AKAP13: variants seen among roughly 807,000 people sequenced by gnomAD.
AKAP13 encodes A-kinase anchor protein 13.
Under a neutral mutation model 264.5 loss-of-function variants are expected in AKAP13, and 80 were observed. That is an observed-to-expected ratio of 0.30 (90% confidence interval 0.25 to 0.36). The LOEUF (loss-of-function observed/expected upper bound fraction) is 0.36. Among genes scored for constraint, AKAP13 ranks in the 10% least tolerant of loss-of-function variants. The pLI is 1.00. For missense variants in AKAP13, 3,712 were observed against 3,435.2 expected (o/e 1.08, Z -2.01); for synonymous variants, 1,380 against 1,250.2 (o/e 1.10, Z -2.19).
At position 85,506,380 on chromosome 15, in the gene AKAP13, C is replaced by T. The variant is rs573123353; in HGVS notation, c.34-15048C>T. On this transcript the variant is annotated intron_variant, in intron 2 of 36. Transcript: ENST00000394518. Reference sequence around the variant, plus strand: ...AACATTTATTGAGCACCTAGAACAACGAGACATACCTTTAGGCAATGATGT... The same window carrying T: ...AACATTTATTGAGCACCTAGAACAATGAGACATACCTTTAGGCAATGATGT... Among the ~76,000 whole-genome samples, 5 of 152,188 alleles carry T rather than the reference C, an allele frequency of 3.3e-5. No homozygotes were observed. The East Asian group carries it at 5.8e-4, about 18-fold the overall frequency.
At chr15:85,606,290 A>G (rs527777667) in intron 8 of AKAP13, among the ~76,000 whole-genome samples, 1 of 151,580 alleles carries the variant, frequency 6.6e-6, no homozygotes, top group East Asian at 1.9e-4. Context: ...TTAGTAGAGA[A>G]GGGGTTTCAC....
intron 10 of AKAP13, among the ~76,000 whole-genome samples, chr15:85,654,942 A>T (rs1473970255): frequency 6.6e-6 from 1 of 152,168 alleles, no homozygotes; most frequent in Non-Finnish European, 1.5e-5. Context: ...CTGTAATCCC[A>T]CCATTTTGGG....
At chr15:85,567,908 A>C (rs906895906) in intron 5 of AKAP13, among the ~76,000 whole-genome samples, 2 of 151,912 alleles carry the variant, frequency 1.3e-5, no homozygotes, top group African/African-American at 4.8e-5. Flanking sequence ...GAGCTGAGAA[A>C]AGTATATAAA....
chr15:85,671,870 A>G (rs2083949942), intron 14 of AKAP13, among the ~76,000 whole-genome samples: 1 of 152,198 alleles, frequency 6.6e-6, no homozygotes, highest in Admixed American at 6.5e-5. Flanking sequence ...ACAGATAACT[A>G]GTACCAACAG....
At chr15:85,670,315 A>G (rs1012859259) in intron 14 of AKAP13, among the ~76,000 whole-genome samples, 15 of 151,834 alleles carry the variant, frequency 9.9e-5, no homozygotes, top group African/African-American at 3.1e-4. Flanking sequence ...CTTTACCTCT[A>G]ATTTAGTGTA....
chr15:85,416,548 A>T (rs193098235), intron 1 of AKAP13, among the ~76,000 whole-genome samples: 69 of 152,318 alleles, frequency 4.5e-4, no homozygotes, highest in African/African-American at 1.6e-3. Flanking sequence ...GTCAATGAGT[A>T]TGTCTCAGGT....
chr15:85,520,938 C>A (rs1447473064), intron 2 of AKAP13, among the ~76,000 whole-genome samples: 1 of 152,252 alleles, frequency 6.6e-6, no homozygotes, highest in African/African-American at 2.4e-5. Flanking sequence ...AAGCCTGTTG[C>A]TGGAGAATGT....
rs548952523 is a variant in AKAP13 at position 85,433,778 on chromosome 15, T to TA, written c.-11-51927dup. ...CCAACATGGTGAAACCCCTCTCTAC[T>TA]AAAAATATAAAAATTAGTTGGGCAT... is the stretch of plus-strand genomic sequence containing the variant. On this transcript the variant is annotated intron_variant, in intron 1 of 36. Coordinates refer to ENST00000394518, the MANE Select transcript of AKAP13 (RefSeq NM_007200.5). 1.2e-3 allele frequency among the ~76,000 whole-genome samples: 182 copies of TA among 151,550 alleles called. 1 individual carries two copies. Among genetic ancestry groups the TA allele is most frequent in the African/African-American group, 4.3e-3 (176 of 41,312 alleles).
At chr15:85,558,480 C>T (rs1201502573) in intron 5 of AKAP13, among the ~76,000 whole-genome samples, 3 of 152,130 alleles carry the variant, frequency 2.0e-5, no homozygotes, top group African/African-American at 7.2e-5. Context: ...GTGATGATAA[C>T]CTCACACATA....
chr15:85,442,537 A>G (rs1397580878), intron 1 of AKAP13, among the ~76,000 whole-genome samples: 14 of 129,136 alleles, frequency 1.1e-4, no homozygotes, highest in East Asian at 2.1e-4. Flanking sequence ...TATATAATAT[A>G]TATTATATAT....
chr15:85,464,599 T>A (rs1436806313), intron 1 of AKAP13, among the ~76,000 whole-genome samples: 1 of 152,238 alleles, frequency 6.6e-6, no homozygotes, highest in Non-Finnish European at 1.5e-5. Context: ...AGAGGGAGGT[T>A]AGAACTGGTA....
chr15:85,619,790 C>G, intron 8 of AKAP13: 2 of 1,104,672 alleles, frequency 1.8e-6, no homozygotes, highest in Admixed American at 4.9e-5. Flanking sequence ...CAGTCAAGAT[C>G]TGCACAAAGT....
intron 1 of AKAP13, among the ~76,000 whole-genome samples, chr15:85,400,657 G>A (rs2071377509): frequency 6.6e-6 from 1 of 152,004 alleles, no homozygotes; most frequent in African/African-American, 2.4e-5. Context: ...AAGGTTTTCT[G>A]TATTATAAGT....
In AKAP13 at chr15:85,581,839, T is replaced by C; in HGVS notation, c.3771T>C (p.Asp1257=). The C allele has an allele frequency of 1.9e-6, 3 of 1,614,220 alleles. No individual in the cohort carries two copies. The South Asian group carries it at 3.3e-5, about 18-fold the overall frequency. Residue 1257 remains aspartate (D), a synonymous_variant, in exon 7 of 37, where the codon GAT becomes GAC. Transcript: ENST00000394518. ...AGGAGGCTGCCAGCCGTATAGTGGATGCTGTCATCGAACAAGTCAAGGCCG... is the reference window on the plus strand; with the variant it reads ...AGGAGGCTGCCAGCCGTATAGTGGACGCTGTCATCGAACAAGTCAAGGCCG... ...LIEEAASRIV[D]AVIEQVKAAG...
intron 1 of AKAP13, among the ~76,000 whole-genome samples, chr15:85,425,587 G>T (rs1231459368): frequency 6.6e-6 from 1 of 151,938 alleles, no homozygotes; most frequent in Non-Finnish European, 1.5e-5. Context: ...GTGGTGGCAC[G>T]TGCCTGTAAT....
intron 14 of AKAP13, chr15:85,670,577 A>C (rs1222811844): frequency 6.6e-6 from 1 of 150,868 alleles, no homozygotes; most frequent in Non-Finnish European, 1.5e-5. Context: ...TCCAAGATTC[A>C]ATCTAAGAAT....
At chr15:85,513,648 G>T (rs370239889) in intron 2 of AKAP13, among the ~76,000 whole-genome samples, 3 of 152,266 alleles carry the variant, frequency 2.0e-5, no homozygotes, top group African/African-American at 7.2e-5. Context: ...AAATGCTTCA[G>T]TATGTATTTC....
At chr15:85,413,746 G>T (rs1055033307) in intron 1 of AKAP13, among the ~76,000 whole-genome samples, 1 of 152,100 alleles carries the variant, frequency 6.6e-6, no homozygotes, top group East Asian at 1.9e-4. Flanking sequence ...CACAATAGTT[G>T]TTTCTGCTTG....
intron 1 of AKAP13, among the ~76,000 whole-genome samples, chr15:85,402,164 G>T (rs1054418308): frequency 2.0e-5 from 3 of 152,200 alleles, no homozygotes; most frequent in Non-Finnish European, 4.4e-5. Context: ...AAGTCCTGGA[G>T]ATCCTTGGAA....
Sources: gnomAD v4.1 joint callset for allele counts (sites outside exome capture counted in the v4.1 genomes callset) on GRCh38, gnomAD v4.1.1 for gene constraint, MANE v1.5 for transcripts, NCBI Gene and HGNC (gene_info 2026-07-23, HGNC 2026-07-21) for gene names.